Variants in BMP7 observed in about 807,000 individuals in gnomAD.
The protein encoded by BMP7 is osteogenic protein 1.
BMP7 carries 12 observed loss-of-function variants against 41.2 expected under a neutral mutation model. The ratio of observed to expected loss-of-function variants is 0.29; its 90% confidence interval spans 0.19 to 0.47. The LOEUF is 0.47. BMP7 is among the 20% of genes least tolerant of loss of function. The probability of loss-of-function intolerance (pLI) is 0.99; values close to 1 mark genes in which losing one functional copy is unlikely to be tolerated. For synonymous variants in BMP7, 248 were observed against 250.0 expected (o/e 0.99, Z 0.07); for missense variants, 467 against 606.0 (o/e 0.77, Z 2.41).
At chr20:57,179,745 G>A (rs903980035) in intron 4 of BMP7, among the ~76,000 whole-genome samples, 1 of 152,240 alleles carries the variant, frequency 6.6e-6, no homozygotes, top group African/African-American at 2.4e-5. Flanking sequence ...AGCCTAGGGT[G>A]GGGCCCAGGC....
At chr20:57,221,337 C>A (rs991328065) in intron 2 of BMP7, among the ~76,000 whole-genome samples, 2 of 152,190 alleles carry the variant, frequency 1.3e-5, no homozygotes, top group Non-Finnish European at 2.9e-5. Context: ...CCTCAATTTC[C>A]TTGTGTGGAA....
chr20:57,168,945 A>AC lies in BMP7; in HGVS notation c.*2013_*2014insG, dbSNP rs1491511312. On this transcript the variant is annotated 3_prime_UTR_variant, in exon 7 of 7. Transcript: ENST00000395863. ...CTCATCGTCCTGAACGAGGGATTAA[A>AC]GGGGGGGGGGTGTTCAAAAGAGCTT... is the stretch of plus-strand genomic sequence containing the variant. The AC allele has an allele frequency of 2.9e-4, 42 of 145,234 alleles. No individual in the cohort carries two copies. Among genetic ancestry groups the AC allele is most frequent in the African/African-American group, 1.1e-3 (41 of 38,464 alleles). 9.0% of individuals were successfully genotyped at this position (145,234 alleles called of 1,614,324 possible).
In BMP7 at chr20:57,188,060, T is replaced by A. The variant is rs539905382; in HGVS notation, c.761-4141A>T. ...CTGGCAATTCCTAAAAAAAGTTTAA[T>A]ATGTAGTCTTCACGTGACCCAACAA... On this transcript the variant is annotated intron_variant, in intron 3 of 6. Coordinates refer to ENST00000395863, the MANE Select transcript of BMP7 (RefSeq NM_001719.3). Among the ~76,000 whole-genome samples the A allele has an allele frequency of 1.5e-4, 23 of 152,298 alleles. 1 individual carries two copies. The East Asian group carries it at 4.4e-3, about 29-fold the overall frequency.
chr20:57,186,665 A>G (rs1008241963), intron 3 of BMP7, among the ~76,000 whole-genome samples: 3 of 152,198 alleles, frequency 2.0e-5, no homozygotes, highest in African/African-American at 4.8e-5. Flanking sequence ...GTTAGATGGG[A>G]GGGGTCAGAG....
In BMP7 at chr20:57,266,478, G is replaced by T; in HGVS notation, c.-356C>A. The T allele has an allele frequency of 5.9e-6, 1 of 169,008 alleles. No homozygotes were observed. The highest frequency in any genetic ancestry group is 1.3e-5 in the Non-Finnish European group (1 of 79,328). 10.5% of individuals were successfully genotyped at this position (169,008 alleles called of 1,614,324 possible). On this transcript the variant is annotated 5_prime_UTR_variant, in exon 1 of 7. Transcript: ENST00000395863. ...CGGGGAGGCAGCGAGGAGGCAGGCGGGCGGGCGAGCGCTCCTTCTTCCCGC... is the reference window on the plus strand; with the variant it reads ...CGGGGAGGCAGCGAGGAGGCAGGCGTGCGGGCGAGCGCTCCTTCTTCCCGC...
At position 57,170,530 on chromosome 20, in the gene BMP7, A is replaced by G. The variant is rs973089475; in HGVS notation, c.*429T>C. 5 of 278,430 alleles carry G rather than the reference A, an allele frequency of 1.8e-5. No homozygotes were observed. Among genetic ancestry groups the G allele is most frequent in the African/African-American group, 4.4e-5 (2 of 45,468 alleles). The allele number at this position is 278,430 out of a possible 1,614,324, so 17.2% of individuals were successfully genotyped here. ...TTCGTTTTATTGTGACATTTATTAC[A>G]GGAACTTCCGGGTCAATTTTCCTTT... is the stretch of plus-strand genomic sequence containing the variant. On this transcript the variant is annotated 3_prime_UTR_variant, in exon 7 of 7. Transcript: ENST00000395863.
At position 57,266,009 on chromosome 20, in the gene BMP7, G is replaced by C; in HGVS notation, c.114C>G (p.His38Gln). The change falls in exon 1 of 7, where the codon CAC becomes CAG. Residue 38 changes from histidine (H) to glutamine (Q), a missense_variant. By Grantham distance (24) the His-to-Gln change is conservative (BLOSUM62 0). Coordinates refer to ENST00000395863, the MANE Select transcript of BMP7 (RefSeq NM_001719.3). ...LADFSLDNEV[H>Q]SSFIHRRLRS... ...GGAGGCGCCGGTGGATGAAGCTCGA[G>C]TGCACCTCGTTGTCCAGGCTGAAGT... is the stretch of plus-strand genomic sequence containing the variant. 1 of 1,549,150 alleles carries C rather than the reference G, an allele frequency of 6.5e-7. No homozygotes were observed. Among genetic ancestry groups the C allele is most frequent in the Non-Finnish European group, 8.7e-7 (1 of 1,146,954 alleles).
rs532553582 is a variant in BMP7, at chr20:57,264,474, C to CG, written c.418+1230dup. On this transcript the variant is annotated intron_variant, in intron 1 of 6. Coordinates refer to ENST00000395863, the MANE Select transcript of BMP7 (RefSeq NM_001719.3). ...CAGTCCCGCAGCGCGCTGGCGCTGC[C>CG]GGGGGGTTAGTTTGAGCAAGTCTGG... 4.4e-3 allele frequency among the ~76,000 whole-genome samples: 664 copies of CG among 152,236 alleles called. 3 individuals are homozygous for CG. The highest frequency in any genetic ancestry group is 0.015 in the African/African-American group (632 of 41,554).
chr20:57,244,121 G>A (rs557721324), intron 1 of BMP7: 1 of 152,352 alleles, frequency 6.6e-6, no homozygotes, highest in African/African-American at 2.4e-5. Flanking sequence ...AGAGTCACAC[G>A]CGAGCTTATT....
rs189113324 is a variant in BMP7, at chr20:57,174,549, G to A, written c.1035+382C>T. Among the ~76,000 whole-genome samples the A allele has an allele frequency of 2.0e-4, 31 of 152,236 alleles. 1 individual carries two copies. Among genetic ancestry groups the A allele is most frequent in the African/African-American group, 6.5e-4 (27 of 41,548 alleles). ...CAAGCTGGGCAGATCCGTCCCTCCCGTGGGAATGGGAATGGGGTAAATGAA... is the reference window on the plus strand; with the variant it reads ...CAAGCTGGGCAGATCCGTCCCTCCCATGGGAATGGGAATGGGGTAAATGAA... On this transcript the variant is annotated intron_variant, in intron 5 of 6. Coordinates refer to ENST00000395863, the MANE Select transcript of BMP7 (RefSeq NM_001719.3). The surrounding 1 kb of genome is among the most constrained non-coding windows in gnomAD (Gnocchi z 4.3).
chr20:57,265,971 C>A lies in BMP7; in HGVS notation c.152G>T (p.Arg51Leu). 1 of 1,551,662 alleles carries A rather than the reference C, an allele frequency of 6.4e-7. No homozygotes were observed. Among genetic ancestry groups the A allele is most frequent in the Non-Finnish European group, 8.7e-7 (1 of 1,147,420 alleles). The change falls in exon 1 of 7, where the codon CGG becomes CTG. Residue 51 changes from arginine to leucine, a missense_variant. Arg to Leu is a moderately radical substitution (Grantham distance 102, BLOSUM62 -2). Around this residue, in one of 2 missense-constraint regions of BMP7, gnomAD observed 407 missense variants for 485.9 expected, o/e 0.84. Coordinates refer to ENST00000395863, the MANE Select transcript of BMP7 (RefSeq NM_001719.3). ...FIHRRLRSQERREMQREILSI... is the reference protein window; with the variant it reads ...FIHRRLRSQELREMQREILSI... ...GAGGATCTCGCGCTGCATCTCCCGC[C>A]GCTCCTGGCTGCGGAGGCGCCGGTG...
intron 3 of BMP7, among the ~76,000 whole-genome samples, chr20:57,185,052 C>T (rs1984179024): frequency 6.6e-6 from 1 of 152,118 alleles, no homozygotes; most frequent in African/African-American, 2.4e-5. Flanking sequence ...TATAAGGCCA[C>T]TCAGGCTGCC....
intron 1 of BMP7, among the ~76,000 whole-genome samples, chr20:57,248,900 G>A (rs960468136): frequency 6.6e-6 from 1 of 151,956 alleles, no homozygotes; most frequent in East Asian, 1.9e-4. Flanking sequence ...CTGGGTTCAC[G>A]CCATTCTCCT....
chr20:57,179,943 G>A (rs1359335107), intron 4 of BMP7, among the ~76,000 whole-genome samples: 2 of 152,010 alleles, frequency 1.3e-5, no homozygotes, highest in Admixed American at 6.5e-5. Context: ...ATGAGGAGGC[G>A]GTGGGGAAAA....
chr20:57,177,473 G>A (rs1027461626), intron 4 of BMP7, among the ~76,000 whole-genome samples: 3 of 152,070 alleles, frequency 2.0e-5, no homozygotes, highest in Non-Finnish European at 4.4e-5. Flanking sequence ...TCAGCCTCCT[G>A]AGTAGCTGAG....
chr20:57,222,336 A>G (rs1332419537), intron 2 of BMP7, among the ~76,000 whole-genome samples: 2 of 152,222 alleles, frequency 1.3e-5, no homozygotes, highest in Admixed American at 6.5e-5. Context: ...CTCAGGCCAC[A>G]GGACAGGAAG....
intron 2 of BMP7, among the ~76,000 whole-genome samples, chr20:57,222,805 T>C (rs230219): frequency 0.69 from 103,448 of 150,890 alleles, 37,215 homozygotes; most frequent in African/African-American, 0.92. Context: ...GAAACAGGCA[T>C]GTAGCCTTCA....
chr20:57,233,734 G>A (rs1038064850), intron 1 of BMP7, among the ~76,000 whole-genome samples: 2 of 152,278 alleles, frequency 1.3e-5, no homozygotes, highest in Non-Finnish European at 2.9e-5. Flanking sequence ...TGATACAAAG[G>A]GAGGGCCACA....
Position 57,170,998 on chromosome 20 carries a change from T to A in BMP7, c.1257A>T (p.Lys419Asn). 6.2e-7 allele frequency: 1 copy of A among 1,614,112 alleles called. No homozygotes were observed. The highest frequency in any genetic ancestry group is 8.5e-7 in the Non-Finnish European group (1 of 1,180,000). Residue 419 changes from lysine to asparagine, a missense_variant, in exon 7 of 7, where the codon AAA (lysine) becomes AAT (asparagine). Lys to Asn is a moderately conservative substitution (Grantham distance 94). Around this residue, in one of 2 missense-constraint regions of BMP7, gnomAD observed 60 missense variants for 120.1 expected, o/e 0.50. Transcript: ENST00000395863. ...FDDSSNVILK[K>N]YRNMVVRACG... ...AGGCCCGGACCACCATGTTTCTGTA[T>A]TTCTTCAGGATGACGTTGGAGCTGT...
Sources: gnomAD v4.1 joint callset for allele counts (sites outside exome capture counted in the v4.1 genomes callset) on GRCh38, gnomAD v4.1.1 for gene constraint, gnomAD v4.1.1 regional missense constraint, Gnocchi (gnomAD v3.1) non-coding constraint, MANE v1.5 for transcripts, NCBI Gene and HGNC (gene_info 2026-07-23, HGNC 2026-07-21) for gene names.